PDPR: variants seen among roughly 807,000 people sequenced by gnomAD.
PDPR encodes pyruvate dehydrogenase phosphatase regulatory subunit, mitochondrial.
In PDPR, 50 loss-of-function variants were observed where a neutral mutation model predicts 102.2. The ratio of observed to expected loss-of-function variants is 0.49; its 90% CI spans 0.39 to 0.62. PDPR has a LOEUF of 0.62. Among genes scored for constraint, PDPR ranks in the 20% least tolerant of loss-of-function variants. The probability of loss-of-function intolerance (pLI) is 0.00; values close to 1 mark genes in which losing one functional copy is unlikely to be tolerated. For synonymous variants in PDPR, 259 were observed against 406.0 expected, an observed-to-expected ratio of 0.64 and a Z score of 4.35; for missense variants, 625 against 1,098.2, an observed-to-expected ratio of 0.57 and a Z score of 6.09.
At chr16:70,152,565 G>A (rs1204958493) in intron 17 of PDPR, among the ~76,000 whole-genome samples, 1 of 152,270 alleles carries the variant, frequency 6.6e-6, no homozygotes, top group African/African-American at 2.4e-5. Flanking sequence ...TGGTCTGTTT[G>A]GTAGATGCCT....
At position 70,157,489 on chromosome 16, in the gene PDPR, G is replaced by A. The variant is rs1381481999; in HGVS notation, c.*610G>A. The stretch of plus-strand genomic sequence containing the variant: ...GTTCTCTGGTCTGTAGTGGAGACAA[G>A]CAGTTAACCTAGCACCATCCTCATC... On this transcript the variant is annotated 3_prime_UTR_variant, in exon 19 of 19. Coordinates refer to ENST00000288050, the MANE Select transcript of PDPR (RefSeq NM_017990.5). The A allele has an allele frequency of 6.3e-6, 2 of 318,644 alleles. No homozygotes were observed. Among genetic ancestry groups the A allele is most frequent in the African/African-American group, 2.2e-5 (1 of 45,978 alleles). 19.7% of individuals were successfully genotyped at this position (318,644 alleles called of 1,614,324 possible).
intron 17 of PDPR, among the ~76,000 whole-genome samples, chr16:70,151,294 T>C (rs1297201470): frequency 6.6e-6 from 1 of 152,220 alleles, no homozygotes; most frequent in Non-Finnish European, 1.5e-5. Context: ...GGACTCTAAC[T>C]CCAGCCTCAA....
intron 9 of PDPR, among the ~76,000 whole-genome samples, chr16:70,134,383 G>A (rs1458298422): frequency 4.6e-5 from 7 of 151,856 alleles, no homozygotes; most frequent in Admixed American, 1.3e-4. Flanking sequence ...CCACCACAAC[G>A]CAGAGCCAGT....
intron 9 of PDPR, among the ~76,000 whole-genome samples, chr16:70,133,924 G>T (rs1229734958): frequency 6.6e-6 from 1 of 152,124 alleles, no homozygotes; most frequent in Non-Finnish European, 1.5e-5. Flanking sequence ...GTAGAGACAG[G>T]GTTTCTCCAT....
At chr16:70,129,376 C>T (rs1253303045) in intron 6 of PDPR, among the ~76,000 whole-genome samples, 1 of 152,272 alleles carries the variant, frequency 6.6e-6, no homozygotes, top group Non-Finnish European at 1.5e-5. Flanking sequence ...CAGAGCTTCA[C>T]TCTTTTCGCC....
intron 2 of PDPR, among the ~76,000 whole-genome samples, chr16:70,115,142 G>T (rs1259819637): frequency 3.3e-5 from 5 of 150,684 alleles, no homozygotes; most frequent in Non-Finnish European, 7.4e-5. Flanking sequence ...TCTTTTTTCC[G>T]AGACAGAGTT....
chr16:70,144,946 C>T (rs1397292187), intron 15 of PDPR, among the ~76,000 whole-genome samples: 1 of 136,760 alleles, frequency 7.3e-6, no homozygotes, highest in Non-Finnish European at 1.6e-5. Context: ...AGTGAGACTC[C>T]ATCTCAAAAA....
intron 2 of PDPR, among the ~76,000 whole-genome samples, chr16:70,117,049 C>A (rs984161842): frequency 1.3e-5 from 2 of 150,066 alleles, no homozygotes; most frequent in African/African-American, 4.9e-5. Context: ...CAGGGTTCTG[C>A]TACTCAACAG....
At chr16:70,134,619 C>A (rs1422639025) in intron 9 of PDPR, among the ~76,000 whole-genome samples, 1 of 151,192 alleles carries the variant, frequency 6.6e-6, no homozygotes, top group Non-Finnish European at 1.5e-5. Flanking sequence ...ATGGCAAAAA[C>A]CCGTCTAAAT....
intron 11 of PDPR, among the ~76,000 whole-genome samples, chr16:70,140,567 C>A (rs1380272987): frequency 6.6e-6 from 1 of 152,152 alleles, no homozygotes; most frequent in Non-Finnish European, 1.5e-5. Flanking sequence ...GCCTGTAATC[C>A]CAGCATGTTG....
At position 70,146,187 on chromosome 16, in the gene PDPR, G is replaced by T. The variant is rs200665951; in HGVS notation, c.1921G>T (p.Ala641Ser). 106 of 1,613,638 alleles carry T rather than the reference G, an allele frequency of 6.6e-5. No homozygotes were observed. The highest frequency in any genetic ancestry group is 7.1e-5 in the Non-Finnish European group (84 of 1,179,840). ...GGATGTGCTGTCTGAGTTGTCCTAT[G>T]CCCCTATGACTCCAGACCACTTCCC... ...AVDVLSELSY[A>S]PMTPDHFPSL... The change falls in exon 16 of 19, where the codon GCC becomes TCC. Residue 641 changes from alanine (A) to serine (S), a missense_variant. Around this residue, in one of 11 missense-constraint regions of PDPR, gnomAD observed 36 missense variants for 62.8 expected, o/e 0.57. Transcript: ENST00000288050.
At position 70,148,480 on chromosome 16, in the gene PDPR, A is replaced by T. The variant is rs763057307; in HGVS notation, c.1979A>T (p.Tyr660Phe). The T allele has an allele frequency of 6.2e-7, 1 of 1,613,230 alleles. No individual in the cohort carries two copies. The highest frequency in any genetic ancestry group is 8.5e-7 in the Non-Finnish European group (1 of 1,179,522). Reference protein sequence around the residue: ...SLFCKEMSVGYANGIRVMSMT... With the variant: ...SLFCKEMSVGFANGIRVMSMT... ...TCCCTGCAGGAGATGAGTGTGGGCT[A>T]TGCAAATGGGATCCGGGTGATGAGC... The change falls in exon 17 of 19, where the codon TAT becomes TTT. Residue 660 changes from tyrosine to phenylalanine, a missense_variant. Tyr to Phe is a conservative substitution (Grantham distance 22). This residue lies in a region of PDPR where 36 missense variants were observed against 62.8 expected (regional missense o/e 0.57). Coordinates refer to ENST00000288050, the MANE Select transcript of PDPR (RefSeq NM_017990.5).
At position 70,157,111 on chromosome 16, in the gene PDPR, A is replaced by T. The variant is rs1298799775; in HGVS notation, c.*232A>T. 1 of 714,610 alleles carries T rather than the reference A, an allele frequency of 1.4e-6. No individual in the cohort carries two copies. The highest frequency in any genetic ancestry group is 2.5e-6 in the Non-Finnish European group (1 of 403,208). The allele number at this position is 714,610 out of a possible 1,614,324, so 44.3% of individuals were successfully genotyped here. Reference sequence around the variant, plus strand: ...CACTCTGGGCTCTTCTTCCCTTCCCACCCCTCACTCAGCTTCTCGTGGTGG... The same window carrying T: ...CACTCTGGGCTCTTCTTCCCTTCCCTCCCCTCACTCAGCTTCTCGTGGTGG... On this transcript the variant is annotated 3_prime_UTR_variant, in exon 19 of 19. Transcript: ENST00000288050.
chr16:70,135,639 C>T (rs1027961017), intron 9 of PDPR, among the ~76,000 whole-genome samples: 1 of 152,274 alleles, frequency 6.6e-6, no homozygotes, highest in Admixed American at 6.5e-5. Flanking sequence ...GTTTTACTTG[C>T]TGTTCTCTGC....
At chr16:70,153,696 TC>T (rs1260871942) in intron 18 of PDPR, 123 bp downstream of exon 18, 28 of 1,081,534 alleles carry the variant, frequency 2.6e-5, no homozygotes, top group Non-Finnish European at 2.5e-5. Flanking sequence ...GATGTTAGCA[TC>T]AGGTAAATGA....
Position 70,157,110 on chromosome 16 carries a change from C to T in PDPR, c.*231C>T, listed in dbSNP as rs1387322662. On this transcript the variant is annotated 3_prime_UTR_variant, in exon 19 of 19. Coordinates refer to ENST00000288050, the MANE Select transcript of PDPR (RefSeq NM_017990.5). Reference sequence around the variant, plus strand: ...TCACTCTGGGCTCTTCTTCCCTTCCCACCCCTCACTCAGCTTCTCGTGGTG... The same window carrying T: ...TCACTCTGGGCTCTTCTTCCCTTCCTACCCCTCACTCAGCTTCTCGTGGTG... 8 of 716,328 alleles carry T rather than the reference C, an allele frequency of 1.1e-5. No individual in the cohort carries two copies. The highest frequency in any genetic ancestry group is 8.7e-5 in the East Asian group (3 of 34,428). 44.4% of individuals were successfully genotyped at this position (716,328 alleles called of 1,614,324 possible). A position where few individuals can be genotyped will look rare whatever the true frequency, so the allele number is the denominator to read the frequency against.
At chr16:70,125,950 A>G (rs1963919349) in intron 3 of PDPR, among the ~76,000 whole-genome samples, 1 of 152,262 alleles carries the variant, frequency 6.6e-6, no homozygotes, top group Non-Finnish European at 1.5e-5. Flanking sequence ...CTTCACTTCT[A>G]ACAAAAAGCT....
chr16:70,152,254 C>T (rs1472980348), intron 17 of PDPR, among the ~76,000 whole-genome samples: 1 of 152,282 alleles, frequency 6.6e-6, no homozygotes, highest in Non-Finnish European at 1.5e-5. Context: ...CACGGTGGCT[C>T]ATGTCTGTAA....
At chr16:70,152,050 A>G (rs928166798) in intron 17 of PDPR, among the ~76,000 whole-genome samples, 4 of 152,268 alleles carry the variant, frequency 2.6e-5, no homozygotes, top group Non-Finnish European at 5.9e-5. Context: ...AGGACCGGGC[A>G]TTGAGCTTGA....
Sources: gnomAD v4.1 joint callset for allele counts (sites outside exome capture counted in the v4.1 genomes callset) on GRCh38, gnomAD v4.1.1 for gene constraint, gnomAD v4.1.1 regional missense constraint, MANE v1.5 for transcripts, NCBI Gene and HGNC (gene_info 2026-07-23, HGNC 2026-07-21) for gene names.